C3orf20: variants seen among roughly 807,000 people sequenced by gnomAD.
The protein encoded by C3orf20 is family with sequence similarity 149 member C.
A neutral mutation model predicts 88.3 loss-of-function variants in C3orf20; 76 were observed. The observed-to-expected ratio is 0.86, with a 90% CI of 0.72 to 1.04. The LOEUF is 1.04. Among genes scored for constraint, C3orf20 ranks in the 50% least tolerant of loss-of-function variants. The pLI is 0.00. For synonymous variants in C3orf20, 436 were observed against 437.4 expected, an observed-to-expected ratio of 1.00 and a Z score of 0.04; for missense variants, 1,056 against 1,123.3, an observed-to-expected ratio of 0.94 and a Z score of 0.86.
At position 14,721,681 on chromosome 3, in the gene C3orf20, T is replaced by C; in HGVS notation, c.1463T>C (p.Leu488Pro). The C allele has an allele frequency of 1.2e-6, 2 of 1,614,184 alleles. No homozygotes were observed. The highest frequency in any genetic ancestry group is 1.1e-5 in the South Asian group (1 of 91,080). The change falls in exon 10 of 17, where the codon CTG becomes CCG. Residue 488 changes from leucine (L) to proline (P), a missense_variant. Coordinates refer to ENST00000253697, the MANE Select transcript of C3orf20 (RefSeq NM_032137.5). ...KVNEEMKLKV[L>P]GQDSITVTFT... ...AATGAGGAAATGAAACTAAAGGTAC[T>C]GGGACAGGACTCCATCACAGTCACC... is the stretch of plus-strand genomic sequence containing the variant.
At chr3:14,760,606 C>CTTTTTTTT (rs33982218) in intron 14 of C3orf20, among the ~76,000 whole-genome samples, 17 of 97,806 alleles carry the variant, frequency 1.7e-4, no homozygotes, top group East Asian at 3.0e-4. Flanking sequence ...AGTCTGTCTT[C>CTTTTTTTT]TTTTTTTTTT....
chr3:14,751,090 TA>T (rs1360630794), intron 12 of C3orf20, among the ~76,000 whole-genome samples: 2 of 152,230 alleles, frequency 1.3e-5, no homozygotes, highest in African/African-American at 4.8e-5. Context: ...ACTGAATTTT[TA>T]TTTTAGTTAT....
chr3:14,726,212 G>A (rs900085377), intron 10 of C3orf20, among the ~76,000 whole-genome samples: 16 of 152,258 alleles, frequency 1.1e-4, no homozygotes, highest in Admixed American at 8.5e-4. Flanking sequence ...AGGCCTCAGC[G>A]ATCCCGTGGG....
At chr3:14,677,149 C>A (rs549907264) in intron 1 of C3orf20, among the ~76,000 whole-genome samples, 1 of 152,246 alleles carries the variant, frequency 6.6e-6, no homozygotes, top group Admixed American at 6.5e-5. Flanking sequence ...ATCAGAGAGC[C>A]AGAAACTAGA....
chr3:14,719,811 T>A (rs2034082354), intron 9 of C3orf20, among the ~76,000 whole-genome samples: 1 of 152,146 alleles, frequency 6.6e-6, no homozygotes, highest in Non-Finnish European at 1.5e-5. Context: ...ATAAAACTTT[T>A]TACTTTTACC....
rs543684835 is a variant in C3orf20 at position 14,700,804 on chromosome 3, G to A, written c.746-2326G>A. On this transcript the variant is annotated intron_variant, in intron 5 of 16. Transcript: ENST00000253697. ...ATGACATATGTATGAATGATGCCTG[G>A]TTTTGCTATAGCCATTCTGGTTTGA... Among the ~76,000 whole-genome samples, 3 of 152,322 alleles carry A rather than the reference G, an allele frequency of 2.0e-5. No individual in the cohort carries two copies. In the South Asian group the frequency reaches 6.2e-4, roughly 32 times the overall value.
rs984475875 is a variant in C3orf20 at position 14,682,647 on chromosome 3, C to T, written c.-67C>T. The T allele has an allele frequency of 2.0e-5, 30 of 1,536,386 alleles. No homozygotes were observed. The highest frequency in any genetic ancestry group is 4.5e-5 in the East Asian group (2 of 44,394). On this transcript the variant is annotated 5_prime_UTR_variant, in exon 3 of 17. Transcript: ENST00000253697. ...ATTCTGTCCATCTCCAAGCCTTCAC[C>T]GTAGGGAAGAACTTTTGCTCTCAGT...
At position 14,680,643 on chromosome 3, in the gene C3orf20, A is replaced by G. The variant is rs73022155; in HGVS notation, c.-298-1527A>G. 8.1e-3 allele frequency among the ~76,000 whole-genome samples: 1,227 copies of G among 150,876 alleles called. 16 individuals are homozygous for G. Among genetic ancestry groups the G allele is most frequent in the Non-Finnish European group, 0.011 (716 of 67,180 alleles). On this transcript the variant is annotated intron_variant, in intron 1 of 16. Transcript: ENST00000253697. ...AAAGGGTGGATTGTATGTGAATTCT[A>G]TCTCAATAAAGCTGTTCAAAAATTC...
chr3:14,714,300 C>T (rs1395799614), intron 8 of C3orf20, 141 bp downstream of exon 8: 12 of 897,334 alleles, frequency 1.3e-5, no homozygotes, highest in Non-Finnish European at 1.7e-5. Context: ...TGAGGCAGGG[C>T]TGAGGCTGTT....
chr3:14,686,962 G>GA (rs891146323), intron 4 of C3orf20, among the ~76,000 whole-genome samples: 39 of 152,136 alleles, frequency 2.6e-4, no homozygotes, highest in African/African-American at 9.4e-4. Context: ...AGATCTTGGG[G>GA]AAAAAATGTA....
chr3:14,748,842 T>C (rs1330093550), intron 12 of C3orf20, among the ~76,000 whole-genome samples: 1 of 152,198 alleles, frequency 6.6e-6, no homozygotes, highest in East Asian at 1.9e-4. Context: ...TCTTTTTAAA[T>C]TTATTGAGAT....
chr3:14,713,230 T>C (rs890943759), intron 7 of C3orf20, among the ~76,000 whole-genome samples: 10 of 152,208 alleles, frequency 6.6e-5, no homozygotes, highest in African/African-American at 2.4e-4. Flanking sequence ...CCATTATTTC[T>C]TTAGATATTC....
chr3:14,708,433 G>A (rs1645923358), intron 7 of C3orf20, among the ~76,000 whole-genome samples: 1 of 148,482 alleles, frequency 6.7e-6, no homozygotes, highest in African/African-American at 2.5e-5. Context: ...TTGTAGTTTT[G>A]TAGCAAGTTT....
At chr3:14,718,898 T>C (rs2034039230) in intron 9 of C3orf20, among the ~76,000 whole-genome samples, 1 of 152,230 alleles carries the variant, frequency 6.6e-6, no homozygotes, top group Admixed American at 6.5e-5. Flanking sequence ...CCTTCTCTGG[T>C]GCTATCCTTT....
At chr3:14,730,045 C>T (rs567160622) in intron 12 of C3orf20, among the ~76,000 whole-genome samples, 1 of 152,278 alleles carries the variant, frequency 6.6e-6, no homozygotes, top group South Asian at 2.1e-4. Context: ...CCTTTAGTCC[C>T]ATCCAAATGA....
intron 1 of C3orf20, among the ~76,000 whole-genome samples, chr3:14,680,870 C>T (rs190918919): frequency 2.0e-5 from 3 of 152,280 alleles, no homozygotes; most frequent in East Asian, 3.9e-4. Flanking sequence ...CCCAGATGAC[C>T]GGGATTCTGA....
At chr3:14,677,069 C>G (rs2031810130) in intron 1 of C3orf20, among the ~76,000 whole-genome samples, 1 of 152,198 alleles carries the variant, frequency 6.6e-6, no homozygotes, top group South Asian at 2.1e-4. Flanking sequence ...AAAGCCATGC[C>G]TGCTCACAAA....
chr3:14,743,035 G>C (rs2034960135), intron 12 of C3orf20, among the ~76,000 whole-genome samples: 1 of 151,870 alleles, frequency 6.6e-6, no homozygotes, highest in Admixed American at 6.6e-5. Context: ...TAAATCTCAT[G>C]TCCTCACATT....
At chr3:14,765,014 G>A (rs539585648) in intron 15 of C3orf20, 13 of 152,228 alleles carry the variant, frequency 8.5e-5, no homozygotes, top group Non-Finnish European at 1.6e-4. Context: ...AGTAGTACAA[G>A]ACGTGCTGTT....
Sources: allele counts gnomAD v4.1 joint callset (sites outside exome capture counted in the v4.1 genomes callset), GRCh38; gene constraint gnomAD v4.1.1; transcripts MANE v1.5; gene names NCBI Gene and HGNC (gene_info 2026-07-23, HGNC 2026-07-21).